CDH20: variants seen among roughly 807,000 people sequenced by gnomAD.
The protein encoded by CDH20 is cadherin 20.
CDH20 carries 29 observed loss-of-function variants against 74.2 expected under a neutral mutation model. The ratio of observed to expected loss-of-function variants is 0.39; its 90% CI spans 0.29 to 0.53. The LOEUF (loss-of-function observed/expected upper bound fraction) is 0.53. CDH20 is among the 20% of genes least tolerant of loss of function. The probability of loss-of-function intolerance (pLI) is 0.69; values close to 1 mark genes in which losing one functional copy is unlikely to be tolerated. For synonymous variants in CDH20, 469 were observed against 405.4 expected (o/e 1.16, Z -1.88); for missense variants, 988 against 1,048.3 (o/e 0.94, Z 0.79).
chr18:61,361,928 A>G (rs1303389283), intron 1 of CDH20, among the ~76,000 whole-genome samples: 1 of 152,178 alleles, frequency 6.6e-6, no homozygotes, highest in African/African-American at 2.4e-5. Context: ...AGTATTAGTT[A>G]CAGTTGTGCA....
intron 1 of CDH20, among the ~76,000 whole-genome samples, chr18:61,452,835 C>G (rs950224524): frequency 1.3e-5 from 2 of 152,136 alleles, no homozygotes; most frequent in African/African-American, 2.4e-5. Context: ...CTTCCCTCTC[C>G]TATTTGATAT....
At chr18:61,526,091 A>C (rs1912394375) in intron 6 of CDH20, among the ~76,000 whole-genome samples, 1 of 143,998 alleles carries the variant, frequency 6.9e-6, no homozygotes, top group Admixed American at 7.1e-5. Flanking sequence ...GCTTACAGGC[A>C]TGAACCACTG....
intron 9 of CDH20, among the ~76,000 whole-genome samples, chr18:61,540,689 G>A (rs2144396078): frequency 6.6e-6 from 1 of 152,234 alleles, no homozygotes; most frequent in Non-Finnish European, 1.5e-5. Flanking sequence ...TTTGGGTGGG[G>A]ACACAGCCAA....
At chr18:61,515,873 A>T (rs1360898176) in intron 6 of CDH20, among the ~76,000 whole-genome samples, 1 of 151,700 alleles carries the variant, frequency 6.6e-6, no homozygotes, top group Non-Finnish European at 1.5e-5. Context: ...GCACATGTAT[A>T]CATATGTAAC....
At chr18:61,533,441 G>A (rs1019866095) in intron 7 of CDH20, among the ~76,000 whole-genome samples, 2 of 152,210 alleles carry the variant, frequency 1.3e-5, no homozygotes, top group Non-Finnish European at 2.9e-5. Flanking sequence ...TAAAGTGCCT[G>A]ATATTCAGCA....
At chr18:61,506,625 CATGGAGAT>C (rs1328022218) in intron 5 of CDH20, among the ~76,000 whole-genome samples, 1 of 152,198 alleles carries the variant, frequency 6.6e-6, no homozygotes, top group Non-Finnish European at 1.5e-5. Flanking sequence ...AATACGAATT[CATGGAGAT>C]GAAAGTGAAC....
chr18:61,408,857 G>T (rs1186320804), intron 1 of CDH20, among the ~76,000 whole-genome samples: 13 of 152,108 alleles, frequency 8.5e-5, no homozygotes, highest in Non-Finnish European at 7.3e-5. Flanking sequence ...TGGACTTACA[G>T]ATTGTCTAAT....
intron 1 of CDH20, among the ~76,000 whole-genome samples, chr18:61,346,966 G>T (rs992907154): frequency 2.0e-5 from 3 of 151,952 alleles, no homozygotes; most frequent in Non-Finnish European, 4.4e-5. Context: ...CCTGGCCAGT[G>T]CTGGGCTTAT....
Position 61,555,093 on chromosome 18 carries a change from T to A in CDH20, c.*398T>A. ...GAAAGCAGAAAGTTCTACTCTCGTATCTGTTTTTTATCTTATCTTATTCTC... is the reference window on the plus strand; with the variant it reads ...GAAAGCAGAAAGTTCTACTCTCGTAACTGTTTTTTATCTTATCTTATTCTC... On this transcript the variant is annotated 3_prime_UTR_variant, in exon 12 of 12. Transcript: ENST00000262717. 2 of 1,031,554 alleles carry A rather than the reference T, an allele frequency of 1.9e-6. No individual in the cohort carries two copies. Among genetic ancestry groups the A allele is most frequent in the Non-Finnish European group, 2.3e-6 (2 of 859,388 alleles). 63.9% of individuals were successfully genotyped at this position (1,031,554 alleles called of 1,614,324 possible).
chr18:61,498,553 AT>A (rs1911252629), intron 2 of CDH20, among the ~76,000 whole-genome samples: 1 of 152,226 alleles, frequency 6.6e-6, no homozygotes, highest in South Asian at 2.1e-4. Context: ...ACACACACCG[AT>A]GTAAAGAATC....
At chr18:61,540,136 T>C (rs1912973787) in intron 9 of CDH20, among the ~76,000 whole-genome samples, 1 of 152,196 alleles carries the variant, frequency 6.6e-6, no homozygotes, top group Admixed American at 6.5e-5. Flanking sequence ...TTTCCTCCCC[T>C]GTGTATGACC....
rs1445443299 is a variant in CDH20 at position 61,458,700 on chromosome 18, A to C, written c.-152-31702A>C. On this transcript the variant is annotated intron_variant, in intron 1 of 11. Transcript: ENST00000262717. ...TTAACTTGAAGCTAGATTGCACATA[A>C]GCATCTGAAAGCAGAAATCAGCCCT... Among the ~76,000 whole-genome samples the C allele has an allele frequency of 3.3e-5, 5 of 152,340 alleles. No individual in the cohort carries two copies. The South Asian group carries it at 8.3e-4, about 25-fold the overall frequency.
intron 1 of CDH20, among the ~76,000 whole-genome samples, chr18:61,375,553 A>C (rs17068252): frequency 0.042 from 6,462 of 152,180 alleles, 214 homozygotes; most frequent in South Asian, 0.15. Context: ...AGGTCACTGA[A>C]CAAGGAAGCC....
At position 61,488,081 on chromosome 18, in the gene CDH20, C is replaced by CATATATATATATAT. The variant is rs71178973; in HGVS notation, c.-152-2320_-152-2307dup. On this transcript the variant is annotated intron_variant, in intron 1 of 11. Transcript: ENST00000262717. ...ATACACTAAATAGAATACGTACATA[C>CATATATATATATAT]ATATATATATATATGTACGTATATA... Among the ~76,000 whole-genome samples, 790 of 148,854 alleles carry CATATATATATATAT rather than the reference C, an allele frequency of 5.3e-3. 9 individuals carry two copies. The highest frequency in any genetic ancestry group is 0.014 in the African/African-American group (588 of 40,568).
chr18:61,432,380 C>T (rs753848824), intron 1 of CDH20, among the ~76,000 whole-genome samples: 3 of 152,112 alleles, frequency 2.0e-5, no homozygotes, highest in Admixed American at 6.6e-5. Flanking sequence ...CTTCTTACTC[C>T]GTCCCCATCC....
chr18:61,452,650 A>T (rs1161227055), intron 1 of CDH20, among the ~76,000 whole-genome samples: 5 of 152,132 alleles, frequency 3.3e-5, no homozygotes, highest in Non-Finnish European at 7.4e-5. Flanking sequence ...TATAATATGA[A>T]AATAATCTTG....
intron 1 of CDH20, among the ~76,000 whole-genome samples, chr18:61,372,490 C>T (rs1357443887): frequency 3.9e-5 from 6 of 152,012 alleles, no homozygotes; most frequent in Non-Finnish European, 1.5e-5. Flanking sequence ...TAAATTCTCC[C>T]TAGGGAGCAA....
At chr18:61,503,586 A>G (rs1911462105) in intron 5 of CDH20, among the ~76,000 whole-genome samples, 1 of 152,194 alleles carries the variant, frequency 6.6e-6, no homozygotes, top group Non-Finnish European at 1.5e-5. Context: ...ACACCTGCCC[A>G]TGTGACGATC....
chr18:61,386,363 A>C (rs912797191), intron 1 of CDH20, among the ~76,000 whole-genome samples: 1 of 152,178 alleles, frequency 6.6e-6, no homozygotes, highest in Non-Finnish European at 1.5e-5. Context: ...AGACACTCTC[A>C]CCCTTCCTTT....
Sources: allele counts gnomAD v4.1 joint callset (sites outside exome capture counted in the v4.1 genomes callset), GRCh38; gene constraint gnomAD v4.1.1; transcripts MANE v1.5; gene names NCBI Gene and HGNC (gene_info 2026-07-23, HGNC 2026-07-21).